The following FRMPD1 variants were observed in gnomAD, a reference collection of about 807,000 sequenced individuals.
The protein encoded by FRMPD1 is FERM and PDZ domain-containing protein 1.
FRMPD1 carries 76 observed loss-of-function variants against 117.8 expected under a neutral mutation model. The ratio of observed to expected loss-of-function variants is 0.65; its 90% confidence interval spans 0.54 to 0.78. The LOEUF is 0.78. Ranked by LOEUF, FRMPD1 falls within the 30% of genes least tolerant of loss-of-function variation. The probability of loss-of-function intolerance (pLI) is 0.00; values close to 1 mark genes in which losing one functional copy is unlikely to be tolerated. For synonymous variants in FRMPD1, 783 were observed against 770.4 expected, an observed-to-expected ratio of 1.02 and a Z score of -0.27; for missense variants, 1,786 against 1,964.5, an observed-to-expected ratio of 0.91 and a Z score of 1.72.
chr9:37,731,623 G>C (rs1252359468), intron 9 of FRMPD1, among the ~76,000 whole-genome samples: 1 of 152,200 alleles, frequency 6.6e-6, no homozygotes, highest in Non-Finnish European at 1.5e-5. Context: ...TGTAATGTCA[G>C]CATTTTAGGA....
the FRMPD1 span, among the ~76,000 whole-genome samples, chr9:37,645,747 T>A: frequency 6.6e-6 from 1 of 152,236 alleles, no homozygotes. Flanking sequence ...ACATATTGTT[T>A]TTCTGTCAAA....
At chr9:37,681,460 C>A (rs1821727928) in intron 1 of FRMPD1, among the ~76,000 whole-genome samples, 1 of 152,094 alleles carries the variant, frequency 6.6e-6, no homozygotes, top group African/African-American at 2.4e-5. Context: ...CCCTTCCTTC[C>A]TTTCTAAGAA....
intron 5 of FRMPD1, among the ~76,000 whole-genome samples, chr9:37,717,375 ATATATAT>A (rs1325818780): frequency 2.9e-5 from 2 of 69,464 alleles, no homozygotes; most frequent in South Asian, 3.5e-4. Flanking sequence ...GTGTGTATAT[ATATATAT>A]TTTTTTTTTT....
Position 37,746,201 on chromosome 9 carries a change from C to A in FRMPD1, c.4169C>A (p.Thr1390Asn). 1 of 1,613,124 alleles carries A rather than the reference C, an allele frequency of 6.2e-7. No homozygotes were observed. The highest frequency in any genetic ancestry group is 1.1e-5 in the South Asian group (1 of 91,074). The change falls in exon 16 of 16, where the codon ACC (threonine) becomes AAC (asparagine). Residue 1390 changes from threonine to asparagine, a missense_variant. Coordinates refer to ENST00000377765, the MANE Select transcript of FRMPD1 (RefSeq NM_014907.3). ...CCTGCCCGAGCCCACAGCTGCACCA[C>A]CGCACCCCTGTCGAGGAAAAGCCAC... ...WRPARAHSCT[T>N]APLSRKSHIW...
At chr9:37,669,406 G>T (rs188222657) in intron 1 of FRMPD1, among the ~76,000 whole-genome samples, 1 of 152,252 alleles carries the variant, frequency 6.6e-6, no homozygotes, top group Non-Finnish European at 1.5e-5. Flanking sequence ...GAAACTCTGC[G>T]GGTGGGGCCC....
At chr9:37,616,838 G>A in the FRMPD1 span, among the ~76,000 whole-genome samples, 1 of 152,156 alleles carries the variant, frequency 6.6e-6, no homozygotes, top group Non-Finnish European at 1.5e-5. Context: ...ATTATAGATT[G>A]GAAGGCACAA....
In FRMPD1 at chr9:37,680,599, G is replaced by A. The variant is rs1488489090; in HGVS notation, c.-4-12039G>A. ...ATCATTTGGGGAATGCCACCCTGGG[G>A]TGATGGGGGTCCAGGGTGCTTTCCC... is the stretch of plus-strand genomic sequence containing the variant. On this transcript the variant is annotated intron_variant, in intron 1 of 15. Coordinates refer to ENST00000377765, the MANE Select transcript of FRMPD1 (RefSeq NM_014907.3). Among the ~76,000 whole-genome samples, 13 of 152,286 alleles carry A rather than the reference G, an allele frequency of 8.5e-5. 1 individual carries two copies. In the South Asian group the frequency reaches 2.1e-3, roughly 24 times the overall value.
chr9:37,657,630 A>C (rs1820880154), intron 1 of FRMPD1, among the ~76,000 whole-genome samples: 1 of 152,196 alleles, frequency 6.6e-6, no homozygotes, highest in African/African-American at 2.4e-5. Flanking sequence ...AGATGGAAGA[A>C]TAGACGGTCT....
At chr9:37,649,130 C>A (rs968032608), upstream of FRMPD1, among the ~76,000 whole-genome samples, 2 of 152,138 alleles carry the variant, frequency 1.3e-5, no homozygotes, top group African/African-American at 4.8e-5. Context: ...TTTGTACTCA[C>A]CGGACAAGAG....
chr9:37,745,970 C>T lies in FRMPD1; in HGVS notation c.3938C>T (p.Ala1313Val). 1 of 1,614,220 alleles carries T rather than the reference C, an allele frequency of 6.2e-7. No homozygotes were observed. The highest frequency in any genetic ancestry group is 8.5e-7 in the Non-Finnish European group (1 of 1,180,010). Residue 1313 changes from alanine to valine, a missense_variant, in exon 16 of 16, where the codon GCC (alanine) becomes GTC (valine). Physicochemically the swap from Ala to Val is moderately conservative, Grantham distance 64. Coordinates refer to ENST00000377765, the MANE Select transcript of FRMPD1 (RefSeq NM_014907.3). The stretch of plus-strand genomic sequence containing the variant: ...GAAGTCTCTGCCAGTCTCAGGGTGG[C>T]CACATCTTTGGGTTTTGCAGGCATG... ...HPEVSASLRVATSLGFAGMNE... is the reference protein window; with the variant it reads ...HPEVSASLRVVTSLGFAGMNE...
At chr9:37,741,450 GACACACACACACACACACACAC>G (rs56971939) in intron 15 of FRMPD1, among the ~76,000 whole-genome samples, 2,076 of 135,724 alleles carry the variant, frequency 0.015, 23 homozygotes, top group South Asian at 0.027. Context: ...ATCCTGGCAG[GACACACACACACACACACACAC>G]ACACACACAC....
intron 3 of FRMPD1, 37 bp from the exon 4 acceptor site, chr9:37,708,362 C>A: frequency 2.3e-6 from 3 of 1,292,122 alleles, no homozygotes; most frequent in Non-Finnish European, 3.4e-6. Flanking sequence ...TGGGTCCTCC[C>A]GGCATGAGCA....
rs558550691 is a variant in FRMPD1, at chr9:37,718,940, C to A, written c.409-129C>A. On this transcript the variant is annotated intron_variant, in intron 5 of 15. Coordinates refer to ENST00000377765, the MANE Select transcript of FRMPD1 (RefSeq NM_014907.3). ...GAAAATACCTATAATGGGATATCATCCTTTCCTGTGGGTTTAAATTGAATC... is the reference window on the plus strand; with the variant it reads ...GAAAATACCTATAATGGGATATCATACTTTCCTGTGGGTTTAAATTGAATC... 32 of 638,298 alleles carry A rather than the reference C, an allele frequency of 5.0e-5. No individual in the cohort carries two copies. The African/African-American group carries it at 5.8e-4, about 12-fold the overall frequency. The allele number at this position is 638,298 out of a possible 1,614,324, so 39.5% of individuals were successfully genotyped here.
Position 37,740,455 on chromosome 9 carries a change from A to G in FRMPD1, c.1927A>G (p.Ser643Gly). Residue 643 changes from serine (S) to glycine (G), a missense_variant, in exon 15 of 16, where the codon AGC becomes GGC. Ser to Gly is a moderately conservative substitution (Grantham distance 56, BLOSUM62 0). Coordinates refer to ENST00000377765, the MANE Select transcript of FRMPD1 (RefSeq NM_014907.3). This position sits in a 1 kb window ranked among gnomAD's most constrained non-coding sequence, Gnocchi z 4.2. ...CCTCGCAGAGAGCATTGACTCTGAC[A>G]GCCAGGAGGAGAGAAGCGGGATTGA... ...PGLAESIDSDSQEERSGIETS... is the reference protein window; with the variant it reads ...PGLAESIDSDGQEERSGIETS... 6 of 1,614,230 alleles carry G rather than the reference A, an allele frequency of 3.7e-6. No individual in the cohort carries two copies. The highest frequency in any genetic ancestry group is 5.1e-6 in the Non-Finnish European group (6 of 1,180,028).
chr9:37,630,013 T>A, the FRMPD1 span, among the ~76,000 whole-genome samples: 1 of 152,192 alleles, frequency 6.6e-6, no homozygotes, highest in Non-Finnish European at 1.5e-5. Context: ...TGTATCCTCA[T>A]GGAGTGGAAG....
intron 5 of FRMPD1, chr9:37,715,823 A>G (rs936735822): frequency 2.4e-6 from 1 of 414,350 alleles, no homozygotes; most frequent in Non-Finnish European, 4.8e-6. Flanking sequence ...TTCCCAAAGC[A>G]GCCAGTTTCA....
the FRMPD1 span, among the ~76,000 whole-genome samples, chr9:37,626,737 T>C: frequency 6.6e-6 from 1 of 151,194 alleles, no homozygotes; most frequent in Non-Finnish European, 1.5e-5. Flanking sequence ...TGCATTGAGC[T>C]GTGATCGGGC....
rs1215118095 is a variant in FRMPD1, at chr9:37,724,316, T to C, written c.608T>C (p.Val203Ala). 6.6e-7 allele frequency: 1 copy of C among 1,525,200 alleles called. No homozygotes were observed. The highest frequency in any genetic ancestry group is 1.7e-5 in the Admixed American group (1 of 59,906). The allele number at this position is 1,525,200 out of a possible 1,614,324, so 94.5% of individuals were successfully genotyped here. Residue 203 changes from valine (V) to alanine (A), a missense_variant, in exon 7 of 16, where the codon GTG (valine) becomes GCG (alanine). Val to Ala is a moderately conservative substitution (Grantham distance 64, BLOSUM62 0). Coordinates refer to ENST00000377765, the MANE Select transcript of FRMPD1 (RefSeq NM_014907.3). ...TTCAAGTTTGAGGCAAACACAACCG[T>C]GAAGGTATTAAGAATAAACTTGAAC... ...KAFKFEANTTVKDIILTVKEK... is the reference protein window; with the variant it reads ...KAFKFEANTTAKDIILTVKEK...
chr9:37,728,552 C>T (rs192851870), intron 7 of FRMPD1, among the ~76,000 whole-genome samples: 39 of 152,296 alleles, frequency 2.6e-4, no homozygotes, highest in Non-Finnish European at 1.3e-4. Flanking sequence ...AAGAGTGTGG[C>T]GTGGCAACCA....
Sources: allele counts gnomAD v4.1 joint callset (sites outside exome capture counted in the v4.1 genomes callset), GRCh38; gene constraint gnomAD v4.1.1; non-coding constraint Gnocchi (gnomAD v3.1); transcripts MANE v1.5; gene names NCBI Gene and HGNC (gene_info 2026-07-23, HGNC 2026-07-21).